The following ZFP91 variants were observed in gnomAD, a reference collection of about 807,000 sequenced individuals.
ZFP91 encodes the protein E3 ubiquitin-protein ligase ZFP91.
Under a neutral mutation model 63.5 loss-of-function variants are expected in ZFP91, and 7 were observed. That is an observed-to-expected ratio of 0.11 (90% CI 0.06 to 0.21). The LOEUF (loss-of-function observed/expected upper bound fraction) is 0.21, where lower values mean the gene tolerates loss of function less well. Among genes scored for constraint, ZFP91 ranks in the 10% least tolerant of loss-of-function variants. The pLI, the probability that ZFP91 is intolerant of heterozygous loss-of-function variation, is 1.00. For missense variants in ZFP91, 628 were observed against 736.6 expected, an observed-to-expected ratio of 0.85 and a Z score of 1.71; for synonymous variants, 330 against 272.1, an observed-to-expected ratio of 1.21 and a Z score of -2.10.
chr11:58,605,306 T>A (rs759546526), intron 2 of ZFP91, among the ~76,000 whole-genome samples: 10 of 152,336 alleles, frequency 6.6e-5, no homozygotes, highest in Middle Eastern at 3.4e-3. Context: ...GTCTTTCAAA[T>A]CATGTAGGGA....
At chr11:58,600,602 A>G (rs987182890) in intron 2 of ZFP91, among the ~76,000 whole-genome samples, 4 of 152,134 alleles carry the variant, frequency 2.6e-5, no homozygotes, top group African/African-American at 9.7e-5. Flanking sequence ...TTCACCTGCA[A>G]ATAGAGATAC....
In ZFP91 at chr11:58,579,488, C is replaced by A. The variant is rs1005072520; in HGVS notation, c.207C>A (p.Ser69=). ...AAAAAAAAAV[S]RRRKAEYPRR... ...CGGCCGCCGCCGCCGCAGCTGTGTC[C>A]CGCCGGAGGAAGGCCGAGTATCCCC... The change falls in exon 1 of 11, where the codon TCC becomes TCA. Residue 69 remains serine (S), a synonymous_variant. Coordinates refer to ENST00000316059, the MANE Select transcript of ZFP91 (RefSeq NM_053023.5). The A allele has an allele frequency of 6.6e-7, 1 of 1,514,760 alleles. No individual in the cohort carries two copies. The highest frequency in any genetic ancestry group is 8.8e-7 in the Non-Finnish European group (1 of 1,136,466). The allele number at this position is 1,514,760 out of a possible 1,614,324, so 93.8% of individuals were successfully genotyped here. A position where few individuals can be genotyped will look rare whatever the true frequency, so the allele number is the denominator to read the frequency against.
intron 1 of ZFP91, among the ~76,000 whole-genome samples, chr11:58,582,223 G>A (rs944085567): frequency 3.3e-5 from 5 of 152,154 alleles, no homozygotes; most frequent in East Asian, 1.9e-4. Context: ...TATGTCAAAT[G>A]TGTGTATGGT....
intron 5 of ZFP91, chr11:58,611,287 G>A: frequency 2.1e-6 from 1 of 476,370 alleles, no homozygotes; most frequent in South Asian, 4.9e-5. Flanking sequence ...GAGTCTGCAT[G>A]TTTTATTTCA....
At chr11:58,582,015 GT>G (rs1267737071) in intron 1 of ZFP91, among the ~76,000 whole-genome samples, 2 of 152,134 alleles carry the variant, frequency 1.3e-5, no homozygotes, top group African/African-American at 2.4e-5. Flanking sequence ...TCATAATAGA[GT>G]TTTTGTTACA....
intron 2 of ZFP91, among the ~76,000 whole-genome samples, chr11:58,596,304 TAGA>T (rs2134402393): frequency 6.6e-6 from 1 of 152,292 alleles, no homozygotes; most frequent in South Asian, 2.1e-4. Context: ...GTGACAGAGG[TAGA>T]AGGAGTGGCA....
intron 2 of ZFP91, among the ~76,000 whole-genome samples, chr11:58,595,520 T>C (rs1855382327): frequency 6.6e-6 from 1 of 152,162 alleles, no homozygotes; most frequent in Non-Finnish European, 1.5e-5. Context: ...CATATTTCAT[T>C]GTCTGCTATC....
intron 2 of ZFP91, among the ~76,000 whole-genome samples, chr11:58,592,079 C>CTTT (rs34964779): frequency 3.2e-4 from 35 of 108,368 alleles, no homozygotes; most frequent in Non-Finnish European, 3.5e-4. Flanking sequence ...CTGAGCACAT[C>CTTT]TTTTTTTTTT....
At chr11:58,580,375 G>A (rs191889878) in intron 1 of ZFP91, among the ~76,000 whole-genome samples, 16 of 152,320 alleles carry the variant, frequency 1.1e-4, no homozygotes, top group African/African-American at 3.6e-4. Context: ...AACATGAACA[G>A]GTGGCCAGGA....
At chr11:58,586,726 G>A (rs1255300228) in intron 2 of ZFP91, among the ~76,000 whole-genome samples, 3 of 152,086 alleles carry the variant, frequency 2.0e-5, no homozygotes, top group Non-Finnish European at 4.4e-5. Context: ...TTCGTATTTA[G>A]AATTCACCTT....
intron 2 of ZFP91, among the ~76,000 whole-genome samples, chr11:58,585,703 A>G (rs897644932): frequency 2.0e-5 from 3 of 152,198 alleles, no homozygotes; most frequent in African/African-American, 4.8e-5. Context: ...ATAAAAGAAT[A>G]TATGTATATG....
intron 2 of ZFP91, among the ~76,000 whole-genome samples, chr11:58,607,398 G>A (rs1187237346): frequency 6.6e-6 from 1 of 152,044 alleles, no homozygotes; most frequent in Non-Finnish European, 1.5e-5. Context: ...ATACTTTATG[G>A]GTAAAACGTA....
chr11:58,605,922 T>C (rs1468913072), intron 2 of ZFP91, among the ~76,000 whole-genome samples: 2 of 152,188 alleles, frequency 1.3e-5, no homozygotes, highest in African/African-American at 2.4e-5. Flanking sequence ...TTTTCCTTTA[T>C]TCTTTTTTTC....
chr11:58,611,076 A>T (rs780295977), intron 5 of ZFP91, 22 bp downstream of exon 5: 3 of 1,601,920 alleles, frequency 1.9e-6, no homozygotes, highest in Middle Eastern at 3.3e-4. Context: ...ATTTTACTGC[A>T]GACATGTTAA....
chr11:58,579,674 A>T (rs1306110970), intron 1 of ZFP91, 52 bp downstream of exon 1: 3 of 1,458,496 alleles, frequency 2.1e-6, no homozygotes, highest in Non-Finnish European at 1.8e-6. Context: ...GTCCGTACGC[A>T]ACCCTCTCGG....
intron 2 of ZFP91, among the ~76,000 whole-genome samples, chr11:58,592,298 C>T (rs1377136500): frequency 6.6e-6 from 1 of 151,452 alleles, no homozygotes; most frequent in Admixed American, 6.6e-5. Flanking sequence ...TGTTGGCCAG[C>T]CTGGTCTCAA....
intron 2 of ZFP91, among the ~76,000 whole-genome samples, chr11:58,593,111 C>T (rs1200336234): frequency 2.0e-5 from 3 of 152,362 alleles, no homozygotes; most frequent in East Asian, 3.9e-4. Flanking sequence ...TTAGGGATCA[C>T]ATTTCAACAT....
chr11:58,617,768 A>G lies in ZFP91; in HGVS notation c.*62A>G. 1 of 1,265,070 alleles carries G rather than the reference A, an allele frequency of 7.9e-7. No individual in the cohort carries two copies. The highest frequency in any genetic ancestry group is 1.0e-6 in the Non-Finnish European group (1 of 974,892). 78.4% of individuals were successfully genotyped at this position (1,265,070 alleles called of 1,614,324 possible). On this transcript the variant is annotated 3_prime_UTR_variant, in exon 11 of 11. Transcript: ENST00000316059. The surrounding 1 kb of genome is among the most constrained non-coding windows in gnomAD (Gnocchi z 4.2). The stretch of plus-strand genomic sequence containing the variant: ...TTTGTATTTAAAAGTTAAAAAGGAC[A>G]AAAAAAAAATCTAAAGCATTTAAAA...
intron 5 of ZFP91, chr11:58,611,402 G>A: frequency 4.7e-6 from 3 of 642,254 alleles, no homozygotes; most frequent in Non-Finnish European, 7.7e-6. Context: ...TTTAGTCTGG[G>A]GAGGGTTCAT....
Sources: gnomAD v4.1 joint callset for allele counts (sites outside exome capture counted in the v4.1 genomes callset) on GRCh38, gnomAD v4.1.1 for gene constraint, Gnocchi (gnomAD v3.1) non-coding constraint, MANE v1.5 for transcripts, NCBI Gene and HGNC (gene_info 2026-07-23, HGNC 2026-07-21) for gene names.